Variants in MYOM2 observed in about 807,000 individuals in gnomAD.
MYOM2 encodes the protein myomesin 2.
In MYOM2, 254 loss-of-function variants were observed where a neutral mutation model predicts 187.6. The observed-to-expected ratio is 1.35, with a 90% CI of 1.22 to 1.50. The LOEUF is 1.50. Among genes scored for constraint, MYOM2 ranks in the 40% most tolerant of loss-of-function variants. The pLI is 0.00. For missense variants in MYOM2, 2,796 were observed against 1,924.0 expected (o/e 1.45, Z -8.48); for synonymous variants, 981 against 753.8 (o/e 1.30, Z -4.94).
chr8:2,077,874 G>T (rs1331292645), intron 11 of MYOM2, among the ~76,000 whole-genome samples: 1 of 152,192 alleles, frequency 6.6e-6, no homozygotes, highest in East Asian at 1.9e-4. Flanking sequence ...GAAGTTGCAG[G>T]TTTTCCCATC....
In MYOM2 at chr8:2,143,541, A is replaced by C. The variant is rs1798352978; in HGVS notation, c.4080+85A>C. The C allele has an allele frequency of 2.0e-6, 3 of 1,533,642 alleles. No individual in the cohort carries two copies. The South Asian group carries it at 3.4e-5, about 17-fold the overall frequency. On this transcript the variant is annotated intron_variant, in intron 36 of 36. Coordinates refer to ENST00000262113, the MANE Select transcript of MYOM2 (RefSeq NM_003970.4). ...CTTCTCTTGGGGCGGAGCAGAGGGA[A>C]CCCAGTGAGGGGCTTCTGTGTCCTC... is the stretch of plus-strand genomic sequence containing the variant.
chr8:2,109,131 T>C (rs1325395681), intron 24 of MYOM2, among the ~76,000 whole-genome samples: 3 of 152,194 alleles, frequency 2.0e-5, no homozygotes, highest in Non-Finnish European at 4.4e-5. Context: ...TGAATTGCAT[T>C]AAATATAGAA....
chr8:2,115,554 A>C (rs1418576904), intron 25 of MYOM2, among the ~76,000 whole-genome samples: 1 of 152,220 alleles, frequency 6.6e-6, no homozygotes, highest in Non-Finnish European at 1.5e-5. Context: ...TGAAGATGAC[A>C]GTGGCTGTGG....
intron 6 of MYOM2, among the ~76,000 whole-genome samples, chr8:2,065,835 C>T (rs1463916604): frequency 2.6e-5 from 4 of 152,164 alleles, no homozygotes; most frequent in South Asian, 2.1e-4. Flanking sequence ...TGTTGGGCTT[C>T]GTGCCTGACA....
At chr8:2,069,197 G>A (rs529925666) in intron 6 of MYOM2, 81 bp from the exon 7 acceptor site, 12 of 1,357,542 alleles carry the variant, frequency 8.8e-6, no homozygotes, top group African/African-American at 5.8e-5. Context: ...ATTTGCTTTC[G>A]AGGAATGCTT....
chr8:2,064,184 G>T (rs1275063553), intron 6 of MYOM2, among the ~76,000 whole-genome samples: 1 of 152,180 alleles, frequency 6.6e-6, no homozygotes, highest in Non-Finnish European at 1.5e-5. Flanking sequence ...CCTGCTTCCC[G>T]GCCTCGGGGC....
chr8:2,048,593 T>C (rs908325278), intron 1 of MYOM2, among the ~76,000 whole-genome samples: 43 of 151,874 alleles, frequency 2.8e-4, no homozygotes, highest in African/African-American at 9.9e-4. Flanking sequence ...GCAGATTCAA[T>C]ATGGAACGCC....
chr8:2,134,572 G>T (rs1385487055), intron 32 of MYOM2, among the ~76,000 whole-genome samples: 10 of 128,010 alleles, frequency 7.8e-5, no homozygotes, highest in Admixed American at 3.3e-4. Context: ...GATTTCTGAG[G>T]GGCTGAAGTT....
At position 2,078,733 on chromosome 8, in the gene MYOM2, G is replaced by C. The variant is rs763104656; in HGVS notation, c.1263-1G>C. On this transcript the variant is annotated splice_acceptor_variant, in intron 11 of 36. Transcript: ENST00000262113. LOFTEE classifies it high-confidence loss of function. ...GTTGTTTTTCTTTTTTTAACTTGAA[G>C]ATGTGAAGTAGGAACGAATAATTGG... 2 of 1,614,052 alleles carry C rather than the reference G, an allele frequency of 1.2e-6. No individual in the cohort carries two copies. Among genetic ancestry groups the C allele is most frequent in the South Asian group, 2.2e-5 (2 of 91,078 alleles).
At chr8:2,094,219 A>G in intron 17 of MYOM2, 128 bp downstream of exon 17, 2 of 1,241,262 alleles carry the variant, frequency 1.6e-6, no homozygotes, top group South Asian at 3.1e-5. Context: ...CTGAACAGAG[A>G]ACTTGAGTTT....
intron 14 of MYOM2, among the ~76,000 whole-genome samples, chr8:2,089,242 T>TCTCGCTCTGTCGCC (rs1796210219): frequency 6.6e-6 from 1 of 152,206 alleles, no homozygotes; most frequent in African/African-American, 2.4e-5. Context: ...GTTTTTAAAG[T>TCTCGCTCTGTCGCC]AATTACAAAA....
intron 19 of MYOM2, chr8:2,100,540 A>C: frequency 3.6e-6 from 1 of 275,490 alleles, no homozygotes; most frequent in Non-Finnish European, 7.0e-6. Flanking sequence ...CCAGGTGTCC[A>C]GCCCCGTGGA....
In MYOM2 at chr8:2,123,635, T is replaced by G. The variant is rs147916699; in HGVS notation, c.3648T>G (p.Ala1216=). 6.1e-3 allele frequency: 9,824 copies of G among 1,613,986 alleles called. 104 individuals carry two copies. The highest frequency in any genetic ancestry group is 0.024 in the South Asian group (2,195 of 91,084). Residue 1216 remains alanine, a synonymous_variant, in exon 30 of 37, where the codon GCT becomes GCG. Transcript: ENST00000262113. ...AAGATGTGTCCATCCTTGAAATAGCTGGCAAAGGTAAAAGAAAACCTCCTT... is the reference window on the plus strand; with the variant it reads ...AAGATGTGTCCATCCTTGAAATAGCGGGCAAAGGTAAAAGAAAACCTCCTT... The part of the protein sequence containing the change: ...RGQDVSILEI[A]GKVYDDMILA...
At chr8:2,128,248 A>T (rs1032665978) in intron 31 of MYOM2, among the ~76,000 whole-genome samples, 1 of 152,242 alleles carries the variant, frequency 6.6e-6, no homozygotes, top group South Asian at 2.1e-4. Flanking sequence ...TAGAAGCACA[A>T]TAACTATGTA....
intron 6 of MYOM2, among the ~76,000 whole-genome samples, chr8:2,068,035 C>T (rs895928331): frequency 2.6e-5 from 4 of 152,066 alleles, no homozygotes; most frequent in Non-Finnish European, 5.9e-5. Context: ...TTGAGGGCTT[C>T]GATGGGTTTT....
At chr8:2,074,097 G>A (rs1819332147) in intron 10 of MYOM2, among the ~76,000 whole-genome samples, 1 of 152,162 alleles carries the variant, frequency 6.6e-6, no homozygotes, top group African/African-American at 2.4e-5. Flanking sequence ...ACTCACTAGG[G>A]AAGCTTCACT....
chr8:2,076,903 G>T (rs1379836402), intron 11 of MYOM2, among the ~76,000 whole-genome samples: 2 of 152,216 alleles, frequency 1.3e-5, no homozygotes, highest in South Asian at 4.1e-4. Context: ...GAAGTGTACT[G>T]CACAGAGCCA....
At chr8:2,062,802 G>A (rs1047885253) in intron 6 of MYOM2, among the ~76,000 whole-genome samples, 2 of 152,142 alleles carry the variant, frequency 1.3e-5, no homozygotes, top group African/African-American at 2.4e-5. Context: ...TTCCAGATCA[G>A]CTTGTTCCCA....
At chr8:2,074,535 A>G (rs564202775) in intron 10 of MYOM2, among the ~76,000 whole-genome samples, 61 of 151,722 alleles carry the variant, frequency 4.0e-4, no homozygotes, top group African/African-American at 1.5e-3. Flanking sequence ...GCTCACTGCA[A>G]CCTCCGCCTC....
Sources: gnomAD v4.1 joint callset for allele counts (sites outside exome capture counted in the v4.1 genomes callset) on GRCh38, gnomAD v4.1.1 for gene constraint, MANE v1.5 for transcripts, NCBI Gene and HGNC (gene_info 2026-07-23, HGNC 2026-07-21) for gene names.